TNR: variants seen among roughly 807,000 people sequenced by gnomAD.
TNR encodes tenascin R, also known as tenascin-R.
Under a neutral mutation model 150.4 loss-of-function variants are expected in TNR, and 45 were observed. That is an observed-to-expected ratio of 0.30 (90% confidence interval 0.24 to 0.38). The LOEUF (loss-of-function observed/expected upper bound fraction) is 0.38. Among genes scored for constraint, TNR ranks in the 10% least tolerant of loss-of-function variants. The pLI, the probability that TNR is intolerant of heterozygous loss-of-function variation, is 1.00. For synonymous variants in TNR, 687 were observed against 678.4 expected (o/e 1.01, Z -0.20); for missense variants, 1,544 against 1,759.1 (o/e 0.88, Z 2.19).
chr1:175,358,949 T>C (rs1008003234), intron 15 of TNR, among the ~76,000 whole-genome samples: 2 of 152,148 alleles, frequency 1.3e-5, no homozygotes, highest in Non-Finnish European at 2.9e-5. Context: ...TCTGCGAATA[T>C]TTAGAAAAGC....
chr1:175,448,145 A>T (rs1656143061), intron 2 of TNR, among the ~76,000 whole-genome samples: 2 of 152,118 alleles, frequency 1.3e-5, no homozygotes, highest in Non-Finnish European at 2.9e-5. Flanking sequence ...TGATTAGGTG[A>T]GCCCCCGAGC....
chr1:175,562,650 A>T lies in TNR; in HGVS notation c.-164-34281T>A, dbSNP rs575976721. On this transcript the variant is annotated intron_variant, in intron 1 of 22. Transcript: ENST00000367674. Reference sequence around the variant, plus strand: ...GACCCTGCAGAGAACAAGAGACAGGATGTGGTAGAACAGCATGGCCAAAGG... The same window carrying T: ...GACCCTGCAGAGAACAAGAGACAGGTTGTGGTAGAACAGCATGGCCAAAGG... Among the ~76,000 whole-genome samples the T allele has an allele frequency of 3.9e-5, 6 of 152,358 alleles. No homozygotes were observed. In the East Asian group the frequency reaches 1.2e-3, roughly 29 times the overall value.
chr1:175,368,477 C>A (rs1261986841), intron 9 of TNR, among the ~76,000 whole-genome samples: 1 of 152,216 alleles, frequency 6.6e-6, no homozygotes, highest in South Asian at 2.1e-4. Flanking sequence ...GTTGGTCCCA[C>A]CTGGATAGTA....
Position 175,599,768 on chromosome 1 carries a change from T to C in TNR, c.-164-71399A>G, listed in dbSNP as rs1663162946. 1.3e-5 allele frequency among the ~76,000 whole-genome samples: 2 copies of C among 152,184 alleles called. No individual in the cohort carries two copies. Among genetic ancestry groups the C allele is most frequent in the South Asian group, 4.1e-4 (2 of 4,832 alleles). ...ATTGGCGGGTTCCCTGCCACCAATA[T>C]GCAGTCTCACAACCGTTTTCTGTCC... On this transcript the variant is annotated intron_variant, in intron 1 of 22. Transcript: ENST00000367674. The surrounding 1 kb of genome is among the most constrained non-coding windows in gnomAD (Gnocchi z 4.7).
At chr1:175,608,453 A>G (rs1382378466) in intron 1 of TNR, among the ~76,000 whole-genome samples, 1 of 152,238 alleles carries the variant, frequency 6.6e-6, no homozygotes, top group Non-Finnish European at 1.5e-5. Flanking sequence ...AATATAAGAG[A>G]ATAACTTTTT....
intron 1 of TNR, among the ~76,000 whole-genome samples, chr1:175,671,260 C>T (rs1454814772): frequency 1.3e-5 from 2 of 152,158 alleles, no homozygotes; most frequent in Non-Finnish European, 1.5e-5. Context: ...GGTCATGGTG[C>T]CTACTGAACT....
intron 2 of TNR, among the ~76,000 whole-genome samples, chr1:175,458,303 A>G (rs1338785156): frequency 6.6e-6 from 1 of 152,160 alleles, no homozygotes. Flanking sequence ...TAATAATAGC[A>G]CCATAGATTT....
At chr1:175,579,062 A>G (rs1445649766) in intron 1 of TNR, among the ~76,000 whole-genome samples, 1 of 152,082 alleles carries the variant, frequency 6.6e-6, no homozygotes, top group East Asian at 1.9e-4. Context: ...ATCCTTCACC[A>G]TTTCCCATCA....
intron 2 of TNR, among the ~76,000 whole-genome samples, chr1:175,416,995 G>A (rs911688711): frequency 2.2e-4 from 30 of 134,954 alleles, no homozygotes; most frequent in Admixed American, 3.8e-4. Context: ...GCTACAGAGC[G>A]AGACTCCATC....
At chr1:175,622,429 C>T (rs1041787612) in intron 1 of TNR, among the ~76,000 whole-genome samples, 4 of 152,226 alleles carry the variant, frequency 2.6e-5, no homozygotes, top group East Asian at 1.9e-4. Context: ...TTTCATTCCA[C>T]ATCAAGCCCC....
chr1:175,550,740 AAAG>A (rs951661295), intron 1 of TNR, among the ~76,000 whole-genome samples: 2 of 152,164 alleles, frequency 1.3e-5, no homozygotes, highest in African/African-American at 4.8e-5. Flanking sequence ...AAATCAAAAC[AAAG>A]AAGAAAATGA....
intron 1 of TNR, among the ~76,000 whole-genome samples, chr1:175,586,185 G>T (rs921757683): frequency 6.6e-6 from 1 of 152,176 alleles, no homozygotes; most frequent in Non-Finnish European, 1.5e-5. Flanking sequence ...TCTAAAAGAG[G>T]TTGATTTCAG....
At chr1:175,644,842 C>T (rs773314928) in intron 1 of TNR, among the ~76,000 whole-genome samples, 12 of 152,226 alleles carry the variant, frequency 7.9e-5, no homozygotes, top group Non-Finnish European at 1.3e-4. Flanking sequence ...GTAAGTCACA[C>T]ATCTTCTTTC....
In TNR at chr1:175,658,072, C is replaced by T. The variant is rs75436145; in HGVS notation, c.-165+85154G>A. On this transcript the variant is annotated intron_variant, in intron 1 of 22. Transcript: ENST00000367674. ...ACATCACTGTGTCAAGTGACAAGCCCCAGGGGCCCTCAGCTCCAGGACTCT... is the reference window on the plus strand; with the variant it reads ...ACATCACTGTGTCAAGTGACAAGCCTCAGGGGCCCTCAGCTCCAGGACTCT... Among the ~76,000 whole-genome samples the T allele has an allele frequency of 3.7e-3, 561 of 151,774 alleles. 7 individuals are homozygous for T. Among genetic ancestry groups the T allele is most frequent in the African/African-American group, 0.013 (528 of 41,338 alleles).
chr1:175,687,444 C>CT (rs1666236596), intron 1 of TNR, among the ~76,000 whole-genome samples: 1 of 152,126 alleles, frequency 6.6e-6, no homozygotes, highest in African/African-American at 2.4e-5. Flanking sequence ...CCCATCAATT[C>CT]TTTACACCCA....
Position 175,625,412 on chromosome 1 carries a change from A to G in TNR, c.-164-97043T>C, listed in dbSNP as rs1664120476. On this transcript the variant is annotated intron_variant, in intron 1 of 22. Transcript: ENST00000367674. Reference sequence around the variant, plus strand: ...GGAGTGGTGTTGGCTCGCTGGCACTAGCTTGCACTGGGTCTGTTAGCAGCA... The same window carrying G: ...GGAGTGGTGTTGGCTCGCTGGCACTGGCTTGCACTGGGTCTGTTAGCAGCA... Among the ~76,000 whole-genome samples the G allele has an allele frequency of 2.0e-5, 3 of 152,318 alleles. No individual in the cohort carries two copies. The South Asian group carries it at 6.2e-4, about 32-fold the overall frequency.
chr1:175,574,975 T>A (rs547704646), intron 1 of TNR, among the ~76,000 whole-genome samples: 1 of 152,330 alleles, frequency 6.6e-6, no homozygotes, highest in Non-Finnish European at 1.5e-5. Context: ...ACATTCCTCA[T>A]GGAATTTAGT....
chr1:175,577,963 A>G (rs79458677), intron 1 of TNR, among the ~76,000 whole-genome samples: 17,407 of 152,166 alleles, frequency 0.11, 1,201 homozygotes, highest in African/African-American at 0.19. Context: ...ACCTCCCTGA[A>G]CCTCGGCTTC....
chr1:175,332,706 C>T (rs1298212771), intron 20 of TNR, among the ~76,000 whole-genome samples: 5 of 152,168 alleles, frequency 3.3e-5, no homozygotes, highest in Non-Finnish European at 7.3e-5. Context: ...TTGCAGTTGT[C>T]AGGAGAATTC....
Sources: allele counts gnomAD v4.1 joint callset (sites outside exome capture counted in the v4.1 genomes callset), GRCh38; gene constraint gnomAD v4.1.1; non-coding constraint Gnocchi (gnomAD v3.1); transcripts MANE v1.5; gene names NCBI Gene and HGNC (gene_info 2026-07-23, HGNC 2026-07-21).